PRKCA: variants seen among roughly 807,000 people sequenced by gnomAD.
The protein encoded by PRKCA is protein kinase C alpha type.
Under a neutral mutation model 87.0 loss-of-function variants are expected in PRKCA, and 27 were observed. The ratio of observed to expected loss-of-function variants is 0.31; its 90% CI spans 0.23 to 0.43. PRKCA has a LOEUF of 0.43. Ranked by LOEUF, PRKCA falls within the 20% of genes least tolerant of loss-of-function variation. PRKCA has a pLI of 1.00. For synonymous variants in PRKCA, 329 were observed against 311.1 expected (o/e 1.06, Z -0.61); for missense variants, 518 against 852.3 (o/e 0.61, Z 4.88).
At chr17:66,397,750 G>T (rs8080771) in intron 2 of PRKCA, among the ~76,000 whole-genome samples, 88,338 of 151,912 alleles carry the variant, frequency 0.58, 26,174 homozygotes, top group Non-Finnish European at 0.65. Flanking sequence ...TGTCATGGGG[G>T]GTGTGAGCCA....
At chr17:66,562,214 A>AGTT (rs1968731237) in intron 3 of PRKCA, among the ~76,000 whole-genome samples, 6 of 137,054 alleles carry the variant, frequency 4.4e-5, no homozygotes, top group African/African-American at 1.7e-4. Context: ...TATATAATTA[A>AGTT]ATTATATATA....
chr17:66,320,584 T>C (rs1194271058), intron 2 of PRKCA, among the ~76,000 whole-genome samples: 1 of 152,180 alleles, frequency 6.6e-6, no homozygotes, highest in Non-Finnish European at 1.5e-5. Flanking sequence ...AGAACTCGTA[T>C]TAAAGAATAT....
At chr17:66,396,169 G>C (rs1433178469) in intron 2 of PRKCA, among the ~76,000 whole-genome samples, 1 of 151,828 alleles carries the variant, frequency 6.6e-6, no homozygotes, top group Non-Finnish European at 1.5e-5. Flanking sequence ...AATGCTACTT[G>C]TTGAATGAAA....
Position 66,689,023 on chromosome 17 carries a change from C to T in PRKCA, c.894C>T (p.Asn298=), listed in dbSNP as rs1028553364. 61 of 1,598,990 alleles carry T rather than the reference C, an allele frequency of 3.8e-5. No homozygotes were observed. The Middle Eastern group carries it at 9.9e-4, about 26-fold the overall frequency. ...VPIPEGDEEG[N]MELRQKFEKA... ...TTCCGGAAGGGGACGAGGAAGGAAA[C>T]ATGGAACTCAGGCAGAAATTCGAGG... The change falls in exon 8 of 17, where the codon AAC becomes AAT. Residue 298 remains asparagine (N), a synonymous_variant. Coordinates refer to ENST00000413366, the MANE Select transcript of PRKCA (RefSeq NM_002737.3). The surrounding 1 kb of genome is among the most constrained non-coding windows in gnomAD (Gnocchi z 4.1).
rs147745779 is a variant in PRKCA, at chr17:66,645,753, A to G, written c.529+242A>G. ...ATACTCAATGTCACACAAAGTCACA[A>G]GCACTGTGTGGATTGGGCTATTCTG... On this transcript the variant is annotated intron_variant, in intron 5 of 16. Coordinates refer to ENST00000413366, the MANE Select transcript of PRKCA (RefSeq NM_002737.3). Among the ~76,000 whole-genome samples, 54 of 152,322 alleles carry G rather than the reference A, an allele frequency of 3.5e-4. 1 individual carries two copies. The East Asian group carries it at 0.01, about 28-fold the overall frequency.
At chr17:66,680,584 G>T (rs894787765) in intron 5 of PRKCA, among the ~76,000 whole-genome samples, 1 of 152,204 alleles carries the variant, frequency 6.6e-6, no homozygotes, top group South Asian at 2.1e-4. Flanking sequence ...CAGTGTCTCT[G>T]TATAGACATG....
intron 8 of PRKCA, among the ~76,000 whole-genome samples, chr17:66,705,131 A>T (rs1278458163): frequency 3.3e-5 from 5 of 152,204 alleles, no homozygotes. Context: ...GTCCCTAAAT[A>T]GCTTACTTAA....
At chr17:66,609,032 A>G (rs1201306133) in intron 3 of PRKCA, among the ~76,000 whole-genome samples, 1 of 152,232 alleles carries the variant, frequency 6.6e-6, no homozygotes, top group East Asian at 1.9e-4. Context: ...GAACTCATAT[A>G]GGATCTAGAA....
At chr17:66,630,971 C>T (rs1970994936) in intron 3 of PRKCA, among the ~76,000 whole-genome samples, 1 of 152,134 alleles carries the variant, frequency 6.6e-6, no homozygotes, top group African/African-American at 2.4e-5. Context: ...TCCAGATTGG[C>T]CATGTGCCTT....
At chr17:66,381,410 T>G (rs567031444) in intron 2 of PRKCA, among the ~76,000 whole-genome samples, 8 of 152,326 alleles carry the variant, frequency 5.3e-5, no homozygotes, top group African/African-American at 1.4e-4. Context: ...GTGGAAGGAC[T>G]AAATCCACCT....
At chr17:66,411,858 C>CGGCT (rs201049209) in intron 2 of PRKCA, among the ~76,000 whole-genome samples, 1 of 151,392 alleles carries the variant, frequency 6.6e-6, no homozygotes, top group African/African-American at 2.4e-5. Context: ...AGCAATGGGC[C>CGGCT]GCCTACTTTC....
At chr17:66,579,182 AG>A (rs1969340412) in intron 3 of PRKCA, among the ~76,000 whole-genome samples, 1 of 152,228 alleles carries the variant, frequency 6.6e-6, no homozygotes, top group Non-Finnish European at 1.5e-5. Context: ...ACAGAGTAGT[AG>A]GGAAGACAGA....
intron 2 of PRKCA, among the ~76,000 whole-genome samples, chr17:66,396,736 C>T (rs1421558418): frequency 6.7e-6 from 1 of 150,212 alleles, no homozygotes; most frequent in Non-Finnish European, 1.5e-5. Context: ...TCAAGTGATT[C>T]TCCTGCCTCA....
chr17:66,685,946 G>A (rs537109114), intron 5 of PRKCA, among the ~76,000 whole-genome samples: 2 of 152,334 alleles, frequency 1.3e-5, no homozygotes, highest in South Asian at 4.1e-4. Context: ...TGATTCAGGA[G>A]GTGTTGCCAG....
At chr17:66,329,437 T>G (rs1906191135) in intron 2 of PRKCA, among the ~76,000 whole-genome samples, 1 of 152,138 alleles carries the variant, frequency 6.6e-6, no homozygotes, top group Non-Finnish European at 1.5e-5. Flanking sequence ...CAGCCAGGAC[T>G]GGAGAGTCAT....
chr17:66,757,748 G>A lies in PRKCA; in HGVS notation c.1524+14988G>A, dbSNP rs184516648. On this transcript the variant is annotated intron_variant, in intron 13 of 16. Coordinates refer to ENST00000413366, the MANE Select transcript of PRKCA (RefSeq NM_002737.3). Reference sequence around the variant, plus strand: ...TTGTTTTTTGGGTTTTTCTTGAGATGTAGTCTTGCTCTGTCCCCCAGGCTG... The same window carrying A: ...TTGTTTTTTGGGTTTTTCTTGAGATATAGTCTTGCTCTGTCCCCCAGGCTG... Among the ~76,000 whole-genome samples the A allele has an allele frequency of 1.7e-3, 255 of 152,240 alleles. 1 individual carries two copies. Among genetic ancestry groups the A allele is most frequent in the African/African-American group, 5.8e-3 (242 of 41,566 alleles).
chr17:66,485,337 T>C (rs1915948946), intron 2 of PRKCA, among the ~76,000 whole-genome samples: 1 of 152,182 alleles, frequency 6.6e-6, no homozygotes, highest in East Asian at 1.9e-4. Context: ...GTACATTGCT[T>C]CTCGCAGTTT....
At chr17:66,744,142 A>G (rs1477666607) in intron 13 of PRKCA, among the ~76,000 whole-genome samples, 1 of 152,190 alleles carries the variant, frequency 6.6e-6, no homozygotes, top group East Asian at 1.9e-4. Context: ...CATAGACTTC[A>G]TTTAGAAACT....
At chr17:66,452,235 T>G (rs555089386) in intron 2 of PRKCA, among the ~76,000 whole-genome samples, 1 of 152,226 alleles carries the variant, frequency 6.6e-6, no homozygotes, top group Non-Finnish European at 1.5e-5. Flanking sequence ...GTGCCTATGA[T>G]GACCTCATTG....
Sources: gnomAD v4.1 joint callset for allele counts (sites outside exome capture counted in the v4.1 genomes callset) on GRCh38, gnomAD v4.1.1 for gene constraint, Gnocchi (gnomAD v3.1) non-coding constraint, MANE v1.5 for transcripts, NCBI Gene and HGNC (gene_info 2026-07-23, HGNC 2026-07-21) for gene names.